Variants in COG5 observed in about 807,000 individuals in gnomAD.
The protein encoded by COG5 is conserved oligomeric Golgi complex subunit 5.
COG5 carries 86 observed loss-of-function variants against 110.4 expected under a neutral mutation model. The ratio of observed to expected loss-of-function variants is 0.78; its 90% CI spans 0.65 to 0.93. The LOEUF is 0.93. Among genes scored for constraint, COG5 ranks in the 40% least tolerant of loss-of-function variants. The pLI, the probability that COG5 is intolerant of heterozygous loss-of-function variation, is 0.00. For synonymous variants in COG5, 360 were observed against 334.6 expected (o/e 1.08, Z -0.83); for missense variants, 1,077 against 987.0 (o/e 1.09, Z -1.22).
intron 10 of COG5, among the ~76,000 whole-genome samples, chr7:107,344,495 T>A (rs907035316): frequency 1.3e-5 from 2 of 152,170 alleles, no homozygotes; most frequent in Admixed American, 6.5e-5. Flanking sequence ...CTCAAACTTT[T>A]GTCATATCAG....
At chr7:107,514,396 G>A (rs1023886696) in intron 6 of COG5, among the ~76,000 whole-genome samples, 2 of 150,864 alleles carry the variant, frequency 1.3e-5, no homozygotes, top group African/African-American at 2.4e-5. Context: ...TTTATTATGA[G>A]GTTATAGCTC....
At chr7:107,441,138 C>T (rs1239812646) in intron 6 of COG5, among the ~76,000 whole-genome samples, 1 of 151,398 alleles carries the variant, frequency 6.6e-6, no homozygotes, top group African/African-American at 2.4e-5. Flanking sequence ...GCCTGTAATC[C>T]CAGCTACTCA....
chr7:107,464,727 C>T (rs936750041), intron 6 of COG5, among the ~76,000 whole-genome samples: 7 of 152,044 alleles, frequency 4.6e-5, no homozygotes, highest in Admixed American at 6.6e-5. Context: ...TGCCTGGGTC[C>T]GAACCAAAGA....
chr7:107,311,552 C>A (rs1301994095), intron 11 of COG5, among the ~76,000 whole-genome samples: 1 of 149,814 alleles, frequency 6.7e-6, no homozygotes, highest in African/African-American at 2.4e-5. Flanking sequence ...CGCCACCGCG[C>A]CCGGCTAATT....
Position 107,451,928 on chromosome 7 carries a change from A to C in COG5, c.539-39296T>G, listed in dbSNP as rs562694543. ...AAGTTATACATGGATTTTTGACTGC[A>C]TGGGGAGTCAGCAACCCTAGCCCCC... On this transcript the variant is annotated intron_variant, in intron 6 of 21. Transcript: ENST00000297135. Among the ~76,000 whole-genome samples the C allele has an allele frequency of 3.0e-3, 463 of 152,242 alleles. 4 individuals carry two copies. Among genetic ancestry groups the C allele is most frequent in the African/African-American group, 0.01 (432 of 41,556 alleles).
intron 5 of COG5, among the ~76,000 whole-genome samples, chr7:107,528,193 G>A (rs1378668770): frequency 6.6e-6 from 1 of 151,766 alleles, no homozygotes; most frequent in Non-Finnish European, 1.5e-5. Flanking sequence ...CTGGGCTCAA[G>A]CGATCCTTCT....
intron 10 of COG5, among the ~76,000 whole-genome samples, chr7:107,360,590 T>C (rs1473846607): frequency 6.6e-6 from 1 of 152,090 alleles, no homozygotes; most frequent in African/African-American, 2.4e-5. Flanking sequence ...CAGGTGTCAC[T>C]ACATTCCCCT....
intron 6 of COG5, among the ~76,000 whole-genome samples, chr7:107,445,602 C>G (rs1009900200): frequency 6.6e-6 from 1 of 152,106 alleles, no homozygotes; most frequent in Admixed American, 6.6e-5. Flanking sequence ...AGTACTTATG[C>G]CTTCATTTAT....
chr7:107,407,109 C>A (rs4730237), intron 7 of COG5, among the ~76,000 whole-genome samples: 1 of 152,094 alleles, frequency 6.6e-6, no homozygotes. Flanking sequence ...GGGCCAGGCA[C>A]GGTGGCTCAC....
intron 19 of COG5, among the ~76,000 whole-genome samples, chr7:107,222,894 A>G (rs1039612384): frequency 6.6e-6 from 1 of 152,176 alleles, no homozygotes; most frequent in African/African-American, 2.4e-5. Flanking sequence ...GTCTCATTAA[A>G]AAAAAACTGC....
chr7:107,215,593 G>A (rs1160213442), intron 19 of COG5, among the ~76,000 whole-genome samples: 1 of 151,966 alleles, frequency 6.6e-6, no homozygotes, highest in Non-Finnish European at 1.5e-5. Flanking sequence ...GAACCCGGGA[G>A]GCAGAGTTTG....
At chr7:107,479,500 A>G (rs1797190608) in intron 6 of COG5, among the ~76,000 whole-genome samples, 1 of 152,158 alleles carries the variant, frequency 6.6e-6, no homozygotes, top group African/African-American at 2.4e-5. Context: ...CTAGCTTGAC[A>G]AGGGAGTGTA....
chr7:107,247,356 C>T (rs1232905149), intron 17 of COG5, among the ~76,000 whole-genome samples: 1 of 151,912 alleles, frequency 6.6e-6, no homozygotes, highest in Non-Finnish European at 1.5e-5. Context: ...TTCACATGTG[C>T]CCCCAAACCT....
At chr7:107,534,233 C>G (rs1398083209) in intron 5 of COG5, among the ~76,000 whole-genome samples, 1 of 151,566 alleles carries the variant, frequency 6.6e-6, no homozygotes, top group Non-Finnish European at 1.5e-5. Flanking sequence ...TAAAGACCAT[C>G]AACACTATGA....
At position 107,536,316 on chromosome 7, in the gene COG5, G is replaced by C. The variant is rs753662628; in HGVS notation, c.418-8959C>G. Among the ~76,000 whole-genome samples the C allele has an allele frequency of 6.6e-5, 10 of 152,302 alleles. No individual in the cohort carries two copies. In the East Asian group the frequency reaches 1.9e-3, roughly 29 times the overall value. On this transcript the variant is annotated intron_variant, in intron 5 of 21. Coordinates refer to ENST00000297135, the MANE Select transcript of COG5 (RefSeq NM_006348.5). ...AATAAAGGGTATTCAAATAGGAAGA[G>C]AGGAAATCAAATTATTTCCGTTTGC...
chr7:107,424,056 C>T (rs553583673), intron 6 of COG5, among the ~76,000 whole-genome samples: 3 of 151,948 alleles, frequency 2.0e-5, no homozygotes, highest in East Asian at 3.9e-4. Context: ...GCGGACTGCC[C>T]GAGCTCACGA....
intron 2 of COG5, 97 bp downstream of exon 2, chr7:107,557,879 T>C: frequency 2.1e-6 from 3 of 1,444,304 alleles, no homozygotes; most frequent in Non-Finnish European, 2.9e-6. Context: ...ATGTACTTCT[T>C]CATGTAAATA....
intron 6 of COG5, among the ~76,000 whole-genome samples, chr7:107,459,123 G>A (rs10229063): frequency 0.048 from 7,228 of 151,898 alleles, 428 homozygotes; most frequent in African/African-American, 0.13. Context: ...TAGATTAAAT[G>A]CAAATACTCT....
rs1007566805 is a variant in COG5 at position 107,523,671 on chromosome 7, C to T, written c.538+3566G>A. Among the ~76,000 whole-genome samples the T allele has an allele frequency of 1.1e-4, 16 of 151,980 alleles. No individual in the cohort carries two copies. In the South Asian group the frequency reaches 1.2e-3, roughly 12 times the overall value. On this transcript the variant is annotated intron_variant, in intron 6 of 21. Coordinates refer to ENST00000297135, the MANE Select transcript of COG5 (RefSeq NM_006348.5). ...CTCTACTAAATATACAAAAATTAGC[C>T]GGGCATGGTGGTGGGCGCCTGTAAT... is the stretch of plus-strand genomic sequence containing the variant.
Sources: allele counts gnomAD v4.1 joint callset (sites outside exome capture counted in the v4.1 genomes callset), GRCh38; gene constraint gnomAD v4.1.1; transcripts MANE v1.5; gene names NCBI Gene and HGNC (gene_info 2026-07-23, HGNC 2026-07-21).